Variants in SGCD observed in about 807,000 individuals in gnomAD.
SGCD encodes sarcoglycan delta, also known as delta-sarcoglycan.
A neutral mutation model predicts 36.6 loss-of-function variants in SGCD; 18 were observed. That is an observed-to-expected ratio of 0.49 (90% CI 0.34 to 0.73). The LOEUF is 0.73. Among genes scored for constraint, SGCD ranks in the 30% least tolerant of loss-of-function variants. The probability of loss-of-function intolerance (pLI) is 0.01; values close to 1 mark genes in which losing one functional copy is unlikely to be tolerated. For synonymous variants in SGCD, 133 were observed against 130.6 expected (o/e 1.02, Z -0.12); for missense variants, 387 against 346.7 (o/e 1.12, Z -0.92).
the SGCD span, among the ~76,000 whole-genome samples, chr5:155,759,628 A>T: frequency 6.6e-6 from 1 of 152,236 alleles, no homozygotes; most frequent in Non-Finnish European, 1.5e-5. Flanking sequence ...TGAATCCATA[A>T]GTCAGCAGTG....
At chr5:155,927,940 A>G (rs1757024899) in intron 1 of SGCD, among the ~76,000 whole-genome samples, 1 of 152,152 alleles carries the variant, frequency 6.6e-6, no homozygotes, top group African/African-American at 2.4e-5. Flanking sequence ...TCTACTTTGA[A>G]CTTGAATTAC....
chr5:156,082,817 T>G (rs576328575), intron 1 of SGCD, among the ~76,000 whole-genome samples: 1 of 152,320 alleles, frequency 6.6e-6, no homozygotes, highest in Admixed American at 6.5e-5. Context: ...CATGTTTAAT[T>G]TTTTTTGCAA....
chr5:156,229,275 T>TACAC (rs772291105), intron 3 of SGCD, among the ~76,000 whole-genome samples: 11 of 55,102 alleles, frequency 2.0e-4, no homozygotes, highest in East Asian at 1.3e-3. Context: ...TATATATACA[T>TACAC]ACATATATAT....
At chr5:156,486,701 C>T (rs751900736) in intron 3 of SGCD, among the ~76,000 whole-genome samples, 1 of 152,200 alleles carries the variant, frequency 6.6e-6, no homozygotes, top group Non-Finnish European at 1.5e-5. Context: ...TTGGCACCTG[C>T]ACTTGCCTTC....
At chr5:156,675,223 C>G (rs1479598000) in intron 7 of SGCD, among the ~76,000 whole-genome samples, 1 of 152,176 alleles carries the variant, frequency 6.6e-6, no homozygotes, top group African/African-American at 2.4e-5. Context: ...AACCTCAGAA[C>G]AAATTTTTGA....
the SGCD span, among the ~76,000 whole-genome samples, chr5:155,835,276 G>A: frequency 6.6e-6 from 1 of 151,978 alleles, no homozygotes; most frequent in African/African-American, 2.4e-5. Flanking sequence ...CCTAAGTGCT[G>A]GGATTACAGG....
chr5:156,214,628 T>C (rs372893703), intron 3 of SGCD, among the ~76,000 whole-genome samples: 28 of 152,082 alleles, frequency 1.8e-4, no homozygotes, highest in Middle Eastern at 6.8e-3. Context: ...ACAAAAGACT[T>C]TAAATAGCCA....
intron 1 of SGCD, among the ~76,000 whole-genome samples, chr5:156,115,021 T>C (rs1184344587): frequency 2.6e-5 from 4 of 152,094 alleles, no homozygotes; most frequent in African/African-American, 9.7e-5. Context: ...AATTATATGG[T>C]GAATACAGTG....
chr5:156,514,386 T>G (rs17639279), intron 4 of SGCD, among the ~76,000 whole-genome samples: 47,397 of 152,134 alleles, frequency 0.31, 7,606 homozygotes, highest in African/African-American at 0.37. Flanking sequence ...ATCTTCATGT[T>G]CACCTCAAAC....
At chr5:156,178,490 T>C (rs541652730) in intron 3 of SGCD, among the ~76,000 whole-genome samples, 1 of 152,350 alleles carries the variant, frequency 6.6e-6, no homozygotes, top group African/African-American at 2.4e-5. Flanking sequence ...TGAGTCTTTA[T>C]ACATATGCAT....
chr5:156,056,279 T>C (rs1489454420), intron 1 of SGCD, among the ~76,000 whole-genome samples: 1 of 146,082 alleles, frequency 6.8e-6, no homozygotes, highest in African/African-American at 2.5e-5. Context: ...ACAAAGATGA[T>C]AACAGCCCTT....
chr5:156,748,293 A>C (rs1757021901), intron 7 of SGCD, among the ~76,000 whole-genome samples: 1 of 152,128 alleles, frequency 6.6e-6, no homozygotes. Context: ...ATTACCTGAA[A>C]CTATACATCT....
intron 7 of SGCD, among the ~76,000 whole-genome samples, chr5:156,679,637 T>C (rs2113679378): frequency 6.6e-6 from 1 of 152,356 alleles, no homozygotes; most frequent in South Asian, 2.1e-4. Flanking sequence ...ATGGCTCTGA[T>C]GTGCACAGAT....
intron 1 of SGCD, among the ~76,000 whole-genome samples, chr5:155,987,054 C>T (rs1235710591): frequency 6.6e-6 from 1 of 152,146 alleles, no homozygotes; most frequent in African/African-American, 2.4e-5. Context: ...GTGGCCAATC[C>T]TTATTCCTTT....
chr5:156,606,271 C>T (rs1419782519), intron 6 of SGCD, among the ~76,000 whole-genome samples: 1 of 152,334 alleles, frequency 6.6e-6, no homozygotes, highest in East Asian at 1.9e-4. Context: ...CATGGCTAGC[C>T]AGTTTTCCCA....
chr5:156,104,178 G>T (rs1296710482), intron 1 of SGCD, among the ~76,000 whole-genome samples: 1 of 152,024 alleles, frequency 6.6e-6, no homozygotes, highest in African/African-American at 2.4e-5. Context: ...ACATATTAAA[G>T]AATTTGTAAG....
rs1188764024 is a variant in SGCD, at chr5:156,761,386, A to G, written c.*1996A>G. On this transcript the variant is annotated 3_prime_UTR_variant, in exon 9 of 9. Coordinates refer to ENST00000337851, the MANE Select transcript of SGCD (RefSeq NM_000337.6). ...TCACTCTTAGGGGTGAGACCCCGTGATTGGTTGGTTTGTAGCACTAAGGTC... is the reference window on the plus strand; with the variant it reads ...TCACTCTTAGGGGTGAGACCCCGTGGTTGGTTGGTTTGTAGCACTAAGGTC... 2 of 152,200 alleles carry G rather than the reference A, an allele frequency of 1.3e-5. No homozygotes were observed. The highest frequency in any genetic ancestry group is 3.9e-4 in the East Asian group (2 of 5,188). The allele number at this position is 152,200 out of a possible 1,614,324, so 9.4% of individuals were successfully genotyped here.
At chr5:156,220,453 A>G (rs1274900059) in intron 3 of SGCD, among the ~76,000 whole-genome samples, 1 of 152,162 alleles carries the variant, frequency 6.6e-6, no homozygotes, top group Non-Finnish European at 1.5e-5. Flanking sequence ...GCATGAAATT[A>G]CTTATTGAAA....
Position 156,242,627 on chromosome 5 carries a change from A to G in SGCD, c.-43-86907A>G, listed in dbSNP as rs537858032. Among the ~76,000 whole-genome samples, 3 of 152,314 alleles carry G rather than the reference A, an allele frequency of 2.0e-5. No homozygotes were observed. In the East Asian group the frequency reaches 5.8e-4, roughly 29 times the overall value. ...TATGTGGGATCTCTCTGTATTACTTATTATACCTGTGTGAGTGAATCTACT... is the reference window on the plus strand; with the variant it reads ...TATGTGGGATCTCTCTGTATTACTTGTTATACCTGTGTGAGTGAATCTACT... On this transcript the variant is annotated intron_variant, in intron 3 of 9. Transcript: ENST00000517913.
Sources: gnomAD v4.1 joint callset for allele counts (sites outside exome capture counted in the v4.1 genomes callset) on GRCh38, gnomAD v4.1.1 for gene constraint, MANE v1.5 for transcripts, NCBI Gene and HGNC (gene_info 2026-07-23, HGNC 2026-07-21) for gene names.